Variants in OTOGL observed in about 807,000 individuals in gnomAD.
OTOGL encodes otogelin like, also known as otogelin-like protein.
OTOGL carries 285 observed loss-of-function variants against 318.5 expected under a neutral mutation model. The ratio of observed to expected loss-of-function variants is 0.89; its 90% CI spans 0.81 to 0.99. OTOGL has a LOEUF of 0.99. OTOGL is among the 50% of genes least tolerant of loss of function. The pLI is 0.00. For synonymous variants in OTOGL, 987 were observed against 936.5 expected (o/e 1.05, Z -0.99); for missense variants, 2,899 against 2,845.6 (o/e 1.02, Z -0.43).
intron 1 of OTOGL, among the ~76,000 whole-genome samples, chr12:80,104,459 G>C (rs1471473842): frequency 6.6e-6 from 1 of 152,168 alleles, no homozygotes; most frequent in Non-Finnish European, 1.5e-5. Context: ...CCTGTGTATG[G>C]TAGCAAGCAC....
intron 1 of OTOGL, among the ~76,000 whole-genome samples, chr12:80,201,236 G>A (rs1876430105): frequency 6.6e-6 from 1 of 152,142 alleles, no homozygotes; most frequent in African/African-American, 2.4e-5. Context: ...TTTTATAAAG[G>A]AATACCTGAG....
At chr12:80,111,471 G>T (rs1869833427) in intron 1 of OTOGL, among the ~76,000 whole-genome samples, 1 of 152,140 alleles carries the variant, frequency 6.6e-6, no homozygotes, top group South Asian at 2.1e-4. Flanking sequence ...CATATGGCTG[G>T]CTAGTTTTCC....
In OTOGL at chr12:80,378,323, T is replaced by C; in HGVS notation, c.*275T>C. 3.6e-6 allele frequency: 1 copy of C among 275,062 alleles called. No individual in the cohort carries two copies. Among genetic ancestry groups the C allele is most frequent in the South Asian group, 7.6e-5 (1 of 13,202 alleles). 17.0% of individuals were successfully genotyped at this position (275,062 alleles called of 1,614,324 possible). ...TAATTACAACTTGGTGCAGATACAG[T>C]ATATTCTCATCAACTGGAAGGTTAT... On this transcript the variant is annotated 3_prime_UTR_variant, in exon 59 of 59. Transcript: ENST00000547103.
At chr12:80,342,320 A>G (rs1041876700) in intron 44 of OTOGL, among the ~76,000 whole-genome samples, 158 bp downstream of exon 44, 7 of 152,238 alleles carry the variant, frequency 4.6e-5, no homozygotes, top group Non-Finnish European at 2.9e-5. Flanking sequence ...TATTGTTTAC[A>G]GGCTTACAAA....
intron 1 of OTOGL, among the ~76,000 whole-genome samples, chr12:80,107,306 T>TA (rs1188327631): frequency 5.9e-5 from 9 of 152,058 alleles, no homozygotes; most frequent in African/African-American, 2.2e-4. Flanking sequence ...TACATGTGGC[T>TA]AACAAGCATA....
intron 38 of OTOGL, among the ~76,000 whole-genome samples, chr12:80,333,408 G>A (rs1375102927): frequency 1.3e-5 from 2 of 151,492 alleles, no homozygotes; most frequent in Non-Finnish European, 2.9e-5. Context: ...CACTGTGTAA[G>A]ATGTTAAACA....
chr12:80,238,885 T>G lies in OTOGL; in HGVS notation c.852T>G (p.Asn284Lys), dbSNP rs1282165678. The change falls in exon 10 of 59, where the codon AAT becomes AAG. Residue 284 changes from asparagine (N) to lysine (K), a missense_variant. Coordinates refer to ENST00000547103, the MANE Select transcript of OTOGL (RefSeq NM_001378609.3). ...CAGAAGACATCGCTATGTTTGCAAA[T>G]AGTTGGTCGGTGCAAACTCCAGATG... ...DYTEDIAMFA[N>K]SWSVQTPDDT... The G allele has an allele frequency of 1.3e-6, 2 of 1,573,618 alleles. No homozygotes were observed. Among genetic ancestry groups the G allele is most frequent in the East Asian group, 4.6e-5 (2 of 43,952 alleles).
At chr12:80,294,530 C>A (rs759836235) in intron 26 of OTOGL, among the ~76,000 whole-genome samples, 23 of 151,990 alleles carry the variant, frequency 1.5e-4, no homozygotes, top group Non-Finnish European at 3.2e-4. Context: ...TAGTACAATG[C>A]CATAATCATC....
At chr12:80,256,227 C>G in intron 16 of OTOGL, 110 bp from the exon 17 acceptor site, 14 of 1,204,234 alleles carry the variant, frequency 1.2e-5, no homozygotes, top group Admixed American at 2.7e-5. Context: ...TTTTTGTTCT[C>G]TCCTCTCTCT....
intron 12 of OTOGL, 83 bp from the exon 13 acceptor site, chr12:80,251,993 T>A: frequency 2.2e-6 from 3 of 1,375,894 alleles, no homozygotes; most frequent in Non-Finnish European, 2.9e-6. Flanking sequence ...CAAATTATTT[T>A]TTGTAAAAAA....
At chr12:80,151,632 A>C (rs1194697756) in intron 1 of OTOGL, among the ~76,000 whole-genome samples, 32 of 152,196 alleles carry the variant, frequency 2.1e-4, no homozygotes, top group Admixed American at 2.1e-3. Context: ...TGGAGCATAG[A>C]ATTATACCTT....
chr12:80,229,470 G>A, intron 8 of OTOGL, 92 bp downstream of exon 8: 3 of 1,431,374 alleles, frequency 2.1e-6, no homozygotes, highest in Non-Finnish European at 2.8e-6. Context: ...TGGAGAGTAG[G>A]AAGAGAGGAT....
intron 4 of OTOGL, among the ~76,000 whole-genome samples, chr12:80,214,113 G>A (rs1465162358): frequency 6.6e-6 from 1 of 152,230 alleles, no homozygotes; most frequent in East Asian, 1.9e-4. Flanking sequence ...CCTCTTATCA[G>A]TCATGTGAAT....
chr12:80,336,881 T>A (rs765421994), intron 41 of OTOGL, 31 bp from the exon 42 acceptor site: 1 of 1,544,346 alleles, frequency 6.5e-7, no homozygotes, highest in African/African-American at 1.4e-5. Flanking sequence ...TGTGTTTAAC[T>A]CCGTAAAGTT....
Position 80,256,373 on chromosome 12 carries a change from A to T in OTOGL, c.1624A>T (p.Ile542Phe), listed in dbSNP as rs1171077288. ...GLVCLQSITLILEDDFNKQVT... is the reference protein window; with the variant it reads ...GLVCLQSITLFLEDDFNKQVT... ...GGTCTGCCTTCAGTCTATAACTCTG[A>T]TTCTGGAGGATGATTTTAACAAACA... is the stretch of plus-strand genomic sequence containing the variant. The change falls in exon 17 of 59, where the codon ATT (isoleucine) becomes TTT (phenylalanine). Residue 542 changes from isoleucine to phenylalanine, a missense_variant. Physicochemically the swap from Ile to Phe is conservative, Grantham distance 21. This residue lies in a region of OTOGL where 2,607 missense variants were observed against 2,524.9 expected (regional missense o/e 1.03). Coordinates refer to ENST00000547103, the MANE Select transcript of OTOGL (RefSeq NM_001378609.3). The T allele has an allele frequency of 6.3e-7, 1 of 1,595,692 alleles. No homozygotes were observed. The highest frequency in any genetic ancestry group is 8.5e-7 in the Non-Finnish European group (1 of 1,177,534).
chr12:80,139,891 T>A (rs1189308743), intron 1 of OTOGL, among the ~76,000 whole-genome samples: 1 of 152,194 alleles, frequency 6.6e-6, no homozygotes, highest in African/African-American at 2.4e-5. Flanking sequence ...TCCATCTGAA[T>A]GTTCTACTAA....
Position 80,229,294 on chromosome 12 carries a change from C to T in OTOGL, c.527C>T (p.Ser176Phe), listed in dbSNP as rs1197008056. The change falls in exon 8 of 59, where the codon TCT (serine) becomes TTT (phenylalanine). Residue 176 changes from serine to phenylalanine, a missense_variant. By Grantham distance (155) the Ser-to-Phe change is radical. Coordinates refer to ENST00000547103, the MANE Select transcript of OTOGL (RefSeq NM_001378609.3). ...CCTAAATGCCTTGGTTCGGTGTATT[C>T]TTGTTATCGGTCAATCAGCTTGTTC... ...NSPKCLGSVYSCYRSISLFFS... is the reference protein window; with the variant it reads ...NSPKCLGSVYFCYRSISLFFS... The T allele has an allele frequency of 1.3e-6, 2 of 1,597,112 alleles. No homozygotes were observed. The highest frequency in any genetic ancestry group is 1.7e-6 in the Non-Finnish European group (2 of 1,177,876).
At position 80,232,042 on chromosome 12, in the gene OTOGL, A is replaced by G. The variant is rs113667081; in HGVS notation, c.612-850A>G. On this transcript the variant is annotated intron_variant, in intron 8 of 58. Coordinates refer to ENST00000547103, the MANE Select transcript of OTOGL (RefSeq NM_001378609.3). ...ATGAAAGGATAATTGTGTTCTTTCA[A>G]AAGTATTCTAGGTGCTTTTAAAATA... is the stretch of plus-strand genomic sequence containing the variant. Among the ~76,000 whole-genome samples, 1,085 of 152,298 alleles carry G rather than the reference A, an allele frequency of 7.1e-3. 17 individuals carry two copies. Among genetic ancestry groups the G allele is most frequent in the African/African-American group, 0.025 (1,036 of 41,558 alleles).
intron 22 of OTOGL, 43 bp from the exon 23 acceptor site, chr12:80,270,059 C>A (rs764172145): frequency 3.3e-5 from 40 of 1,194,900 alleles, no homozygotes; most frequent in African/African-American, 2.2e-4. Context: ...AAAAAAAAAA[C>A]AACAGATTTG....
Sources: allele counts gnomAD v4.1 joint callset (sites outside exome capture counted in the v4.1 genomes callset), GRCh38; gene constraint gnomAD v4.1.1; regional missense constraint gnomAD v4.1.1; transcripts MANE v1.5; gene names NCBI Gene and HGNC (gene_info 2026-07-23, HGNC 2026-07-21).